The following LRRC7 variants were observed in gnomAD, a reference collection of about 807,000 sequenced individuals.
LRRC7 encodes the protein leucine-rich repeat-containing protein 7.
In LRRC7, 23 loss-of-function variants were observed where a neutral mutation model predicts 175.7. That is an observed-to-expected ratio of 0.13 (90% confidence interval 0.09 to 0.19). The LOEUF is 0.19. Among genes scored for constraint, LRRC7 ranks in the 10% least tolerant of loss-of-function variants. The pLI is 1.00. For missense variants in LRRC7, 1,354 were observed against 1,904.7 expected (o/e 0.71, Z 5.38); for synonymous variants, 685 against 680.9 (o/e 1.01, Z -0.09).
chr1:70,107,706 G>A, intron 25 of LRRC7, 46 bp from the exon 26 acceptor site: 1 of 1,442,966 alleles, frequency 6.9e-7, no homozygotes, highest in Middle Eastern at 1.8e-4. Context: ...AAGTAGGCCT[G>A]GTTCTTGGTA....
intron 4 of LRRC7, among the ~76,000 whole-genome samples, chr1:69,812,565 T>A (rs1002417731): frequency 4.6e-5 from 7 of 152,062 alleles, no homozygotes; most frequent in Non-Finnish European, 1.0e-4. Context: ...TTACAAAAAA[T>A]TTTTAGCAAT....
In LRRC7 at chr1:70,021,267, G is replaced by A. The variant is rs1033292174; in HGVS notation, c.1545+138G>A. 1.0e-5 allele frequency: 8 copies of A among 789,432 alleles called. No individual in the cohort carries two copies. The Admixed American group carries it at 1.5e-4, about 15-fold the overall frequency. 48.9% of individuals were successfully genotyped at this position (789,432 alleles called of 1,614,324 possible). ...CGGTACCTTTCATTACAGCATGCTG[G>A]TAGTTCTGGAAGCATTGGTGTGCTT... On this transcript the variant is annotated intron_variant, in intron 16 of 26. Coordinates refer to ENST00000651989, the MANE Select transcript of LRRC7 (RefSeq NM_001370785.2).
chr1:70,087,519 A>ACT (rs961295436), intron 24 of LRRC7, among the ~76,000 whole-genome samples: 4 of 152,190 alleles, frequency 2.6e-5, no homozygotes, highest in Admixed American at 1.3e-4. Flanking sequence ...AAAGAGATCA[A>ACT]CTAGCACACT....
At chr1:69,963,027 A>G (rs1570820314) in intron 8 of LRRC7, among the ~76,000 whole-genome samples, 1 of 152,066 alleles carries the variant, frequency 6.6e-6, no homozygotes, top group South Asian at 2.1e-4. Flanking sequence ...AACAAGGGTC[A>G]GGCGCGGTGG....
At chr1:69,996,379 T>C (rs1654970110) in intron 11 of LRRC7, among the ~76,000 whole-genome samples, 1 of 152,202 alleles carries the variant, frequency 6.6e-6, no homozygotes, top group Non-Finnish European at 1.5e-5. Flanking sequence ...TGGTAGTTTC[T>C]TTTGCTGTGC....
chr1:69,749,297 G>T (rs1669573514), intron 2 of LRRC7, among the ~76,000 whole-genome samples: 2 of 152,276 alleles, frequency 1.3e-5, no homozygotes, highest in South Asian at 4.1e-4. Context: ...ATTGCTTCTA[G>T]CTTGATCCTA....
At position 69,568,639 on chromosome 1, in the gene LRRC7, G is replaced by A; in HGVS notation, c.-1G>A. 1.5e-6 allele frequency: 2 copies of A among 1,352,236 alleles called. No individual in the cohort carries two copies. The highest frequency in any genetic ancestry group is 4.9e-5 in the East Asian group (1 of 20,408). The allele number at this position is 1,352,236 out of a possible 1,614,324, so 83.8% of individuals were successfully genotyped here. On this transcript the variant is annotated splice_region_variant and 5_prime_UTR_variant, in exon 1 of 27. Transcript: ENST00000651989. ...CTCATGGGCAGTTTCTCCCGCCGGC[G>A]ATGTGAGTAAGGCACGCTCGCTCCG...
intron 3 of LRRC7, among the ~76,000 whole-genome samples, chr1:69,790,766 T>C (rs1256909546): frequency 1.3e-5 from 2 of 151,994 alleles, no homozygotes; most frequent in East Asian, 3.9e-4. Flanking sequence ...AAAGTATGCA[T>C]CTGAGTTCTC....
intron 4 of LRRC7, among the ~76,000 whole-genome samples, chr1:69,801,390 A>G (rs921008455): frequency 1.3e-5 from 2 of 151,554 alleles, no homozygotes; most frequent in East Asian, 3.9e-4. Flanking sequence ...ATTCTATCTC[A>G]CCACTCATCA....
chr1:69,960,034 T>A (rs988096071), intron 8 of LRRC7, among the ~76,000 whole-genome samples: 1 of 152,066 alleles, frequency 6.6e-6, no homozygotes, highest in Non-Finnish European at 1.5e-5. Flanking sequence ...CCTTTTTGAT[T>A]TTTTGGAATA....
chr1:69,916,108 A>ATATATATTATATACATATTTTATATATAT (rs1557884358), intron 7 of LRRC7, among the ~76,000 whole-genome samples: 16 of 1,222 alleles, frequency 0.013, no homozygotes, highest in African/African-American at 0.031. Flanking sequence ...TTTATATATA[A>ATATATATTATATACATATTTTATATATAT]TATATATATT....
intron 24 of LRRC7, among the ~76,000 whole-genome samples, chr1:70,080,263 A>G (rs1450056443): frequency 6.6e-6 from 1 of 152,210 alleles, no homozygotes; most frequent in African/African-American, 2.4e-5. Context: ...CACCCAAAGA[A>G]CTAGTGTATT....
At chr1:69,889,474 A>T (rs1645765130) in intron 7 of LRRC7, among the ~76,000 whole-genome samples, 1 of 152,156 alleles carries the variant, frequency 6.6e-6, no homozygotes, top group South Asian at 2.1e-4. Flanking sequence ...CATTTCAACA[A>T]TGTTCACAGC....
chr1:69,808,230 C>A (rs776595880), intron 4 of LRRC7, among the ~76,000 whole-genome samples: 5 of 151,408 alleles, frequency 3.3e-5, no homozygotes, highest in Non-Finnish European at 7.4e-5. Context: ...AGCTTCCTTG[C>A]ATTAGGTTAA....
chr1:69,958,687 G>A (rs1650742020), intron 8 of LRRC7, among the ~76,000 whole-genome samples: 1 of 151,930 alleles, frequency 6.6e-6, no homozygotes, highest in South Asian at 2.1e-4. Context: ...AGAGCCAGAG[G>A]TAGTTAATGG....
intron 2 of LRRC7, among the ~76,000 whole-genome samples, chr1:69,736,970 T>C (rs953626518): frequency 1.3e-5 from 2 of 152,148 alleles, no homozygotes; most frequent in South Asian, 2.1e-4. Context: ...TATTGGTCTT[T>C]ATACTGTTTA....
intron 4 of LRRC7, among the ~76,000 whole-genome samples, chr1:69,814,272 AC>A (rs1357822174): frequency 3.3e-5 from 5 of 152,106 alleles, no homozygotes; most frequent in Non-Finnish European, 5.9e-5. Context: ...TAAAACTTCT[AC>A]TCTTGTAAAT....
chr1:69,993,423 C>G (rs1160297499), intron 10 of LRRC7, among the ~76,000 whole-genome samples: 2 of 152,142 alleles, frequency 1.3e-5, no homozygotes, highest in Non-Finnish European at 2.9e-5. Flanking sequence ...GTGACTTACT[C>G]TATGCCTGTT....
chr1:70,030,851 C>T (rs1658642559), intron 18 of LRRC7, among the ~76,000 whole-genome samples: 1 of 152,104 alleles, frequency 6.6e-6, no homozygotes, highest in African/African-American at 2.4e-5. Context: ...CAACTAGATG[C>T]CAATAGTTTT....
Sources: gnomAD v4.1 joint callset for allele counts (sites outside exome capture counted in the v4.1 genomes callset) on GRCh38, gnomAD v4.1.1 for gene constraint, MANE v1.5 for transcripts, NCBI Gene and HGNC (gene_info 2026-07-23, HGNC 2026-07-21) for gene names.